The following CBLC variants were observed in gnomAD, a reference collection of about 807,000 sequenced individuals.
The protein encoded by CBLC is E3 ubiquitin-protein ligase CBL-C.
Under a neutral mutation model 58.6 loss-of-function variants are expected in CBLC, and 46 were observed. The ratio of observed to expected loss-of-function variants is 0.79; its 90% CI spans 0.62 to 1.00. The LOEUF (loss-of-function observed/expected upper bound fraction) is 1.00, where lower values mean the gene tolerates loss of function less well. Ranked by LOEUF, CBLC falls within the 50% of genes least tolerant of loss-of-function variation. The pLI is 0.00. For missense variants in CBLC, 655 were observed against 625.8 expected (o/e 1.05, Z -0.50); for synonymous variants, 271 against 264.2 (o/e 1.03, Z -0.25).
chr19:44,790,176 A>G (rs1179913093), intron 6 of CBLC, 85 bp downstream of exon 6: 2 of 1,021,780 alleles, frequency 2.0e-6, no homozygotes, highest in African/African-American at 1.6e-5. Context: ...TGGGGTTGGA[A>G]TGTTGGCTTG....
At chr19:44,799,197 C>T (rs570726192) in intron 9 of CBLC, among the ~76,000 whole-genome samples, 1 of 152,258 alleles carries the variant, frequency 6.6e-6, no homozygotes, top group East Asian at 1.9e-4. Flanking sequence ...CTTGGCCTGG[C>T]GCGGTGGCTC....
At chr19:44,778,759 C>T (rs1967644632) in intron 1 of CBLC, among the ~76,000 whole-genome samples, 1 of 117,768 alleles carries the variant, frequency 8.5e-6, no homozygotes, top group African/African-American at 3.3e-5. Flanking sequence ...CTCCCTCAGA[C>T]TCAGGGGTCC....
At chr19:44,799,060 G>T (rs1218708815) in intron 9 of CBLC, among the ~76,000 whole-genome samples, 3 of 152,154 alleles carry the variant, frequency 2.0e-5, no homozygotes, top group Non-Finnish European at 4.4e-5. Context: ...CTTGCTCTGG[G>T]ACATTTCCTT....
Position 44,781,239 on chromosome 19 carries a change from T to A in CBLC, c.533T>A (p.Leu178His), listed in dbSNP as rs1383499306. The change falls in exon 3 of 11, where the codon CTC becomes CAC. Residue 178 changes from leucine (L) to histidine (H), a missense_variant. By Grantham distance (99) the Leu-to-His change is moderately conservative. This residue lies in a region of CBLC where 4 missense variants were observed against 17.8 expected (regional missense o/e 0.22). Transcript: ENST00000647358. ...CVLPWAEFES[L>H]LGTCHPVEPG... The stretch of plus-strand genomic sequence containing the variant: ...CTGCCCTGGGCTGAGTTTGAGTCCC[T>A]CCTGGGCACCTGCCACCCTGTGGAA... The A allele has an allele frequency of 6.2e-7, 1 of 1,613,512 alleles. No individual in the cohort carries two copies.
chr19:44,789,323 A>C (rs1171999295), intron 5 of CBLC, among the ~76,000 whole-genome samples: 1 of 152,166 alleles, frequency 6.6e-6, no homozygotes, highest in Non-Finnish European at 1.5e-5. Context: ...GGATTTGATC[A>C]CTTTCATGAT....
chr19:44,793,477 T>C lies in CBLC; in HGVS notation c.1141T>C (p.Ser381Pro), dbSNP rs1302998194. ...CSCCLAAWQH[S>P]DSQTCPFCRC... is the part of the protein sequence containing the mutation. ...TTTCCCTCCCGACCTCCCCCAGCAC[T>C]CGGACAGCCAGACCTGCCCCTTCTG... The change falls in exon 8 of 11, where the codon TCG becomes CCG. Residue 381 changes from serine (S) to proline (P), a missense_variant. Physicochemically the swap from Ser to Pro is moderately conservative, Grantham distance 74 (BLOSUM62 -1). This residue lies in a region of CBLC where 371 missense variants were observed against 370.8 expected (regional missense o/e 1.00). Coordinates refer to ENST00000647358, the MANE Select transcript of CBLC (RefSeq NM_012116.4). 3 of 1,606,172 alleles carry C rather than the reference T, an allele frequency of 1.9e-6. No homozygotes were observed. The highest frequency in any genetic ancestry group is 2.7e-5 in the African/African-American group (2 of 74,454).
chr19:44,784,484 C>G, intron 5 of CBLC, 83 bp downstream of exon 5: 1 of 1,383,852 alleles, frequency 7.2e-7, no homozygotes, highest in Admixed American at 1.9e-5. Context: ...CCGGTGGCCA[C>G]CACGTTTGAG....
Position 44,782,385 on chromosome 19 carries a change from C to T in CBLC, c.673C>T (p.Leu225Phe). 1.2e-6 allele frequency: 2 copies of T among 1,613,834 alleles called. No individual in the cohort carries two copies. Among genetic ancestry groups the T allele is most frequent in the Non-Finnish European group, 1.7e-6 (2 of 1,179,826 alleles). The change falls in exon 4 of 11, where the codon CTC becomes TTC. Residue 225 changes from leucine to phenylalanine, a missense_variant. Physicochemically the swap from Leu to Phe is conservative, Grantham distance 22. Transcript: ENST00000647358. ...CCCACCCCAGCCATGGCCAACACTCCTCAAGAACTGGCAGCTCCTGGCAGT... is the reference window on the plus strand; with the variant it reads ...CCCACCCCAGCCATGGCCAACACTCTTCAAGAACTGGCAGCTCCTGGCAGT... ...TRLFQPWPTL[L>F]KNWQLLAVNH...
chr19:44,792,584 C>G (rs535613081), intron 7 of CBLC, 70 bp downstream of exon 7: 1 of 1,411,594 alleles, frequency 7.1e-7, no homozygotes, highest in South Asian at 1.4e-5. Flanking sequence ...CCAAAAGGAT[C>G]TCCATGCCTC....
At chr19:44,799,044 A>C (rs547194952) in intron 9 of CBLC, among the ~76,000 whole-genome samples, 8 of 152,280 alleles carry the variant, frequency 5.3e-5, no homozygotes, top group African/African-American at 1.7e-4. Context: ...TTTGAAGGAC[A>C]TGGAACTTGC....
intron 5 of CBLC, among the ~76,000 whole-genome samples, chr19:44,784,714 T>G (rs1008278187): frequency 1.3e-5 from 2 of 152,110 alleles, no homozygotes; most frequent in African/African-American, 4.8e-5. Flanking sequence ...TGCTTCTATT[T>G]TCTTCCTCTT....
intron 9 of CBLC, among the ~76,000 whole-genome samples, chr19:44,795,712 C>T (rs1968163970): frequency 6.6e-6 from 1 of 152,134 alleles, no homozygotes; most frequent in African/African-American, 2.4e-5. Context: ...AGATCTTTCG[C>T]CACCCGGCAG....
intron 6 of CBLC, among the ~76,000 whole-genome samples, chr19:44,791,343 A>G (rs529877635): frequency 2.0e-5 from 3 of 152,038 alleles, no homozygotes; most frequent in African/African-American, 7.2e-5. Flanking sequence ...AAAATAATGA[A>G]ATTCAAATTT....
Position 44,781,357 on chromosome 19 carries a change from C to G in CBLC, c.651C>G (p.Leu217=), listed in dbSNP as rs764769333. 1.5e-5 allele frequency: 24 copies of G among 1,608,942 alleles called. No homozygotes were observed. The Admixed American group carries it at 4.0e-4, about 27-fold the overall frequency. ...SIFEFDVFTR[L]FQPWPTLLKN... Reference sequence around the variant, plus strand: ...TCGAGTTCGACGTCTTCACCAGGCTCTTTCAGGTCAGGGAAGGCCAAGGCT... The same window carrying G: ...TCGAGTTCGACGTCTTCACCAGGCTGTTTCAGGTCAGGGAAGGCCAAGGCT... Residue 217 remains leucine, a synonymous_variant, in exon 3 of 11, where the codon CTC becomes CTG. Transcript: ENST00000647358.
In CBLC at chr19:44,780,469, ATT is replaced by A. The variant is rs1196086433; in HGVS notation, c.354-416_354-415del. Among the ~76,000 whole-genome samples, 741 of 112,392 alleles carry A rather than the reference ATT, an allele frequency of 6.6e-3. 4 individuals are homozygous for A. The highest frequency in any genetic ancestry group is 0.019 in the African/African-American group (561 of 29,372). 73.7% of individuals were successfully genotyped at this position (112,392 alleles called of 152,430 possible). On this transcript the variant is annotated intron_variant, in intron 1 of 10. Transcript: ENST00000647358. The stretch of plus-strand genomic sequence containing the variant: ...ATAAAAGCCATGTATATCGTTTTTA[ATT>A]TTTTTTTTTTTTTTTTTTTGAGATG...
Position 44,794,460 on chromosome 19 carries a change from T to C in CBLC, c.1362+179T>C, listed in dbSNP as rs1048021021. On this transcript the variant is annotated intron_variant, in intron 9 of 10. Transcript: ENST00000647358. ...TTCATTCCCCCTCTGGGACTTTCTT[T>C]TTTTTTTTTTTTTTTTTTTTTTGAG... 3.9e-3 allele frequency among the ~76,000 whole-genome samples: 535 copies of C among 138,698 alleles called. 3 individuals carry two copies. Among genetic ancestry groups the C allele is most frequent in the African/African-American group, 0.014 (507 of 37,386 alleles). The allele number at this position is 138,698 out of a possible 152,430, so 91.0% of individuals were successfully genotyped here. A position where few individuals can be genotyped will look rare whatever the true frequency, so the allele number is the denominator to read the frequency against.
intron 1 of CBLC, among the ~76,000 whole-genome samples, chr19:44,780,057 T>C (rs930288932): frequency 6.6e-6 from 1 of 152,158 alleles, no homozygotes; most frequent in Non-Finnish European, 1.5e-5. Flanking sequence ...CTCGTACCTG[T>C]AGGTAGAACC....
At chr19:44,789,483 A>G (rs1055453601) in intron 5 of CBLC, among the ~76,000 whole-genome samples, 1 of 151,758 alleles carries the variant, frequency 6.6e-6, no homozygotes, top group Admixed American at 6.6e-5. Context: ...GGCTCACTGC[A>G]ACCTCTGCCT....
chr19:44,784,552 G>T, intron 5 of CBLC, 151 bp downstream of exon 5: 1 of 761,336 alleles, frequency 1.3e-6, no homozygotes. Context: ...AATTCCAGCA[G>T]GTGGCAGTCA....
Sources: allele counts gnomAD v4.1 joint callset (sites outside exome capture counted in the v4.1 genomes callset), GRCh38; gene constraint gnomAD v4.1.1; regional missense constraint gnomAD v4.1.1; transcripts MANE v1.5; gene names NCBI Gene and HGNC (gene_info 2026-07-23, HGNC 2026-07-21).